NDUFAF7: variants seen among roughly 807,000 people sequenced by gnomAD.
NDUFAF7 encodes the protein NADH:ubiquinone oxidoreductase complex assembly factor 7, also known as protein arginine methyltransferase NDUFAF7, mitochondrial.
Under a neutral mutation model 47.2 loss-of-function variants are expected in NDUFAF7, and 48 were observed. The ratio of observed to expected loss-of-function variants is 1.02; its 90% CI spans 0.81 to 1.29. NDUFAF7 has a LOEUF of 1.29. Ranked by LOEUF, NDUFAF7 falls within the 50% of genes most tolerant of loss-of-function variation. NDUFAF7 has a pLI of 0.00. For synonymous variants in NDUFAF7, 217 were observed against 190.0 expected, an observed-to-expected ratio of 1.14 and a Z score of -1.17; for missense variants, 635 against 537.6, an observed-to-expected ratio of 1.18 and a Z score of -1.79.
intron 9 of NDUFAF7, 27 bp downstream of exon 9, chr2:37,247,656 T>C (rs1558506850): frequency 6.2e-7 from 1 of 1,611,172 alleles, no homozygotes; most frequent in South Asian, 1.1e-5. Flanking sequence ...TTCACTGTTA[T>C]TAAGTACTTT....
chr2:37,236,712 C>T (rs183854164), intron 3 of NDUFAF7, among the ~76,000 whole-genome samples: 20 of 150,040 alleles, frequency 1.3e-4, no homozygotes, highest in African/African-American at 4.9e-4. Flanking sequence ...ACCCGGGAGG[C>T]GGAGCTTGCA....
At position 37,248,196 on chromosome 2, in the gene NDUFAF7, T is replaced by A. The variant is rs369731209; in HGVS notation, c.1172T>A (p.Met391Lys). The A allele has an allele frequency of 6.2e-7, 1 of 1,614,080 alleles. No homozygotes were observed. The highest frequency in any genetic ancestry group is 1.1e-5 in the South Asian group (1 of 91,078). Reference sequence around the variant, plus strand: ...CAGCAGTTACTTCAAGGATATGATATGTTAATGAATCCAAAGAAGATGGGA... The same window carrying A: ...CAGCAGTTACTTCAAGGATATGATAAGTTAATGAATCCAAAGAAGATGGGA... Reference protein sequence around the residue: ...VRQQLLQGYDMLMNPKKMGER... With the variant: ...VRQQLLQGYDKLMNPKKMGER... The change falls in exon 10 of 10, where the codon ATG becomes AAG. Residue 391 changes from methionine (M) to lysine (K), a missense_variant. By Grantham distance (95) the Met-to-Lys change is moderately conservative. Transcript: ENST00000002125.
chr2:37,256,642 T>A (rs756083627), downstream of NDUFAF7: 33 of 1,390,434 alleles, frequency 2.4e-5, no homozygotes, highest in South Asian at 1.2e-4. Flanking sequence ...TTTTTTTTTT[T>A]TTTTTTTTTT....
the NDUFAF7 span, among the ~76,000 whole-genome samples, chr2:37,262,895 T>C: frequency 2.8e-5 from 4 of 144,496 alleles, no homozygotes; most frequent in East Asian, 7.1e-4. Context: ...TAAGATTCCT[T>C]CCCCCCCCCG....
Position 37,248,539 on chromosome 2 carries a change from G to A in NDUFAF7, c.*189G>A. The A allele has an allele frequency of 3.2e-6, 2 of 631,720 alleles. No individual in the cohort carries two copies. Among genetic ancestry groups the A allele is most frequent in the Non-Finnish European group, 5.6e-6 (2 of 354,786 alleles). 39.1% of individuals were successfully genotyped at this position (631,720 alleles called of 1,614,324 possible). ...TTGTGACTGGCTTTGGTGCAAATGT[G>A]TGCTCAAGCTAATAAGTTATTGTGA... On this transcript the variant is annotated 3_prime_UTR_variant, in exon 10 of 10. Coordinates refer to ENST00000002125, the MANE Select transcript of NDUFAF7 (RefSeq NM_144736.5).
chr2:37,253,007 T>G, downstream of NDUFAF7: 1 of 543,876 alleles, frequency 1.8e-6, no homozygotes, highest in Non-Finnish European at 2.9e-6. Context: ...ATTATTCAGT[T>G]TCCCGCCTGT....
intron 2 of NDUFAF7, among the ~76,000 whole-genome samples, chr2:37,232,486 G>A (rs1416712863): frequency 6.6e-6 from 1 of 152,244 alleles, no homozygotes; most frequent in Non-Finnish European, 1.5e-5. Context: ...GTCCAAGGGT[G>A]TTTAGGAGAC....
chr2:37,244,104 T>C (rs1342901453), intron 7 of NDUFAF7, 131 bp downstream of exon 7: 3 of 773,650 alleles, frequency 3.9e-6, no homozygotes, highest in Non-Finnish European at 6.4e-6. Context: ...AGGTGCTTTT[T>C]ATTGACAGTG....
Position 37,232,149 on chromosome 2 carries a change from T to A in NDUFAF7, c.99T>A (p.Asn33Lys). The A allele has an allele frequency of 6.2e-7, 1 of 1,614,242 alleles. No individual in the cohort carries two copies. The highest frequency in any genetic ancestry group is 8.5e-7 in the Non-Finnish European group (1 of 1,180,036). ...IWRGKYFSSG[N>K]EPAENPVTPM... Reference sequence around the variant, plus strand: ...GAGGGAAATACTTCAGCTCCGGGAATGAGCCTGCAGAAAACCCGGTGACGC... The same window carrying A: ...GAGGGAAATACTTCAGCTCCGGGAAAGAGCCTGCAGAAAACCCGGTGACGC... Residue 33 changes from asparagine (N) to lysine (K), a missense_variant, in exon 2 of 10, where the codon AAT becomes AAA. Asn to Lys is a moderately conservative substitution (Grantham distance 94). Coordinates refer to ENST00000002125, the MANE Select transcript of NDUFAF7 (RefSeq NM_144736.5).
At chr2:37,268,303 C>T in the NDUFAF7 span, 31 of 470,942 alleles carry the variant, frequency 6.6e-5, no homozygotes, top group Middle Eastern at 3.3e-4. Context: ...AAAGGTACCT[C>T]GGACAGTTCT....
At chr2:37,255,941 G>A (rs962898668), downstream of NDUFAF7, among the ~76,000 whole-genome samples, 2 of 152,182 alleles carry the variant, frequency 1.3e-5, no homozygotes, top group African/African-American at 2.4e-5. Context: ...TTGAGCCCAG[G>A]AAGTCGAGGC....
the NDUFAF7 span, chr2:37,268,355 C>G: frequency 4.2e-6 from 2 of 470,884 alleles, no homozygotes; most frequent in East Asian, 7.0e-5. Context: ...GATGTAACTA[C>G]TCTTAAAACT....
At chr2:37,250,651 C>A (rs8243), downstream of NDUFAF7, 109,235 of 152,068 alleles carry the variant, frequency 0.72, 40,098 homozygotes, top group East Asian at 0.98. Context: ...ACAACCAGGT[C>A]AAACTTTTCT....
chr2:37,253,808 G>C (rs146890872), downstream of NDUFAF7, among the ~76,000 whole-genome samples: 319 of 152,248 alleles, frequency 2.1e-3, 1 homozygote, highest in African/African-American at 7.1e-3. Context: ...TTACTCTGAA[G>C]TTTGGAGGGT....
At chr2:37,251,323 G>C (rs893188553), downstream of NDUFAF7, 32 of 152,640 alleles carry the variant, frequency 2.1e-4, no homozygotes, top group African/African-American at 7.5e-4. Context: ...ATGGTTGGGA[G>C]GGCTAAGGGT....
chr2:37,253,267 G>T, downstream of NDUFAF7: 1 of 1,612,958 alleles, frequency 6.2e-7, no homozygotes, highest in African/African-American at 1.3e-5. Flanking sequence ...GTATTTCCCA[G>T]CGAGCATCAT....
At chr2:37,260,025 C>T in the NDUFAF7 span, among the ~76,000 whole-genome samples, 4 of 151,952 alleles carry the variant, frequency 2.6e-5, no homozygotes, top group Non-Finnish European at 4.4e-5. Flanking sequence ...ATTAGCCAGG[C>T]GTGGTGGCAC....
downstream of NDUFAF7, chr2:37,254,177 C>T: frequency 6.5e-7 from 1 of 1,541,628 alleles, no homozygotes; most frequent in Non-Finnish European, 9.0e-7. Context: ...ATGAGGATTG[C>T]CAAAGAGAGA....
At chr2:37,246,789 G>T (rs867150410) in intron 8 of NDUFAF7, among the ~76,000 whole-genome samples, 2 of 152,092 alleles carry the variant, frequency 1.3e-5, no homozygotes, top group Admixed American at 6.6e-5. Context: ...TGGATAGTTT[G>T]TTGAAAATAC....
Sources: gnomAD v4.1 joint callset for allele counts (sites outside exome capture counted in the v4.1 genomes callset) on GRCh38, gnomAD v4.1.1 for gene constraint, MANE v1.5 for transcripts, NCBI Gene and HGNC (gene_info 2026-07-23, HGNC 2026-07-21) for gene names.